PCDHGA5: variants seen among roughly 807,000 people sequenced by gnomAD.
PCDHGA5 encodes protocadherin gamma-A5.
PCDHGA5 carries 36 observed loss-of-function variants against 56.7 expected under a neutral mutation model. The observed-to-expected ratio is 0.64, with a 90% CI of 0.49 to 0.84. PCDHGA5 has a LOEUF of 0.84. Ranked by LOEUF, PCDHGA5 falls within the 40% of genes least tolerant of loss-of-function variation. PCDHGA5 has a pLI of 0.00. For synonymous variants in PCDHGA5, 563 were observed against 520.2 expected (o/e 1.08, Z -1.12); for missense variants, 1,305 against 1,201.5 (o/e 1.09, Z -1.27).
At chr5:141,433,332 T>C (rs1344429296) in intron 1 of PCDHGA5, 7 of 694,580 alleles carry the variant, frequency 1.0e-5, no homozygotes, top group Non-Finnish European at 1.7e-5. Context: ...TAACAGGGAC[T>C]ACAGGTGCAA....
At position 141,487,892 on chromosome 5, in the gene PCDHGA5, T is replaced by C; in HGVS notation, c.2422-6915T>C. The C allele has an allele frequency of 2.7e-6, 2 of 731,410 alleles. No individual in the cohort carries two copies. The highest frequency in any genetic ancestry group is 4.4e-6 in the Non-Finnish European group (2 of 450,094). 45.3% of individuals were successfully genotyped at this position (731,410 alleles called of 1,614,324 possible). On this transcript the variant is annotated intron_variant, in intron 1 of 3. Coordinates refer to ENST00000518069, the MANE Select transcript of PCDHGA5 (RefSeq NM_018918.3). This position sits in a 1 kb window ranked among gnomAD's most constrained non-coding sequence, Gnocchi z 5.0. ...GAGCCAGGCTGTTGTGGAAGCATGA[T>C]GATGGAATGTGGGAGCACAGGAGGC...
chr5:141,426,590 C>T (rs2096945493), intron 1 of PCDHGA5: 1 of 369,282 alleles, frequency 2.7e-6, no homozygotes, highest in East Asian at 7.4e-5. Context: ...TCCTCTGTGT[C>T]ATACCCTTAG....
intron 1 of PCDHGA5, among the ~76,000 whole-genome samples, chr5:141,438,036 C>T (rs1299733977): frequency 4.6e-5 from 7 of 152,026 alleles, no homozygotes; most frequent in South Asian, 2.1e-4. Flanking sequence ...CCACCATGCC[C>T]GACCACTTTG....
chr5:141,406,159 A>G (rs1237857279), intron 1 of PCDHGA5, among the ~76,000 whole-genome samples: 3 of 151,234 alleles, frequency 2.0e-5, no homozygotes, highest in Non-Finnish European at 2.9e-5. Context: ...TGCAGTCTCA[A>G]TCTCCTGGGC....
chr5:141,409,159 G>C, intron 1 of PCDHGA5: 1 of 1,614,014 alleles, frequency 6.2e-7, no homozygotes, highest in East Asian at 2.2e-5. Flanking sequence ...CCATGGAAGT[G>C]GAAGCGAAGG....
intron 1 of PCDHGA5, chr5:141,404,978 G>C: frequency 6.2e-7 from 1 of 1,613,976 alleles, no homozygotes; most frequent in Non-Finnish European, 8.5e-7. Context: ...GGCTGACCTG[G>C]GCAGTCTTCA....
intron 1 of PCDHGA5, chr5:141,379,090 T>C (rs1029371266): frequency 6.6e-6 from 1 of 152,210 alleles, no homozygotes; most frequent in Non-Finnish European, 1.5e-5. Context: ...GTTATGAATG[T>C]GTAAGAAAAA....
At chr5:141,408,280 C>T in intron 1 of PCDHGA5, 1 of 1,612,648 alleles carries the variant, frequency 6.2e-7, no homozygotes, top group Non-Finnish European at 8.5e-7. Flanking sequence ...CTTTGTTCTA[C>T]CCCACCCTGA....
chr5:141,379,766 C>G (rs1325223169), intron 1 of PCDHGA5: 1 of 151,638 alleles, frequency 6.6e-6, no homozygotes, highest in Admixed American at 6.6e-5. Context: ...ACCTGCAATA[C>G]AGATCATTAA....
chr5:141,477,932 C>G lies in PCDHGA5; in HGVS notation c.2422-16875C>G, dbSNP rs1193822505. The G allele has an allele frequency of 3.1e-6, 5 of 1,614,040 alleles. No individual in the cohort carries two copies. The highest frequency in any genetic ancestry group is 4.2e-6 in the Non-Finnish European group (5 of 1,180,042). On this transcript the variant is annotated intron_variant, in intron 1 of 3. Transcript: ENST00000518069. This position sits in a 1 kb window ranked among gnomAD's most constrained non-coding sequence, Gnocchi z 4.9. ...CGCGGATGCAGGGCACAATGCCTGG[C>G]TCTCCTACAGTCTCTTGGGATCCCC... is the stretch of plus-strand genomic sequence containing the variant.
intron 1 of PCDHGA5, chr5:141,385,051 C>T (rs1222079447): frequency 2.5e-6 from 4 of 1,614,036 alleles, no homozygotes; most frequent in Admixed American, 1.7e-5. Flanking sequence ...CAGGCTGCGG[C>T]GCTGGCACAA....
Position 141,487,291 on chromosome 5 carries a change from C to T in PCDHGA5, c.2422-7516C>T, listed in dbSNP as rs748961925. The stretch of plus-strand genomic sequence containing the variant: ...TGGCAATTTGCTTTGTCTCCTTTGG[C>T]TCATTCGTGGCACTACTCTCTAAGT... On this transcript the variant is annotated intron_variant, in intron 1 of 3. Transcript: ENST00000518069. This position sits in a 1 kb window ranked among gnomAD's most constrained non-coding sequence, Gnocchi z 5.0. The T allele has an allele frequency of 1.9e-5, 30 of 1,614,036 alleles. No homozygotes were observed. Among genetic ancestry groups the T allele is most frequent in the Non-Finnish European group, 2.5e-5 (30 of 1,180,020 alleles).
Position 141,365,694 on chromosome 5 carries a change from C to A in PCDHGA5, c.1364C>A (p.Ala455Asp), listed in dbSNP as rs757316678. The A allele has an allele frequency of 5.0e-6, 8 of 1,613,466 alleles. No homozygotes were observed. The highest frequency in any genetic ancestry group is 1.1e-5 in the South Asian group (1 of 91,068). Residue 455 changes from alanine (A) to aspartate (D), a missense_variant, in exon 1 of 4, where the codon GCC (alanine) becomes GAC (aspartate). Physicochemically the swap from Ala to Asp is moderately radical, Grantham distance 126. Transcript: ENST00000518069. ...VNDNPPNFPQ[A>D]SYSTSVTENN... ...GACAACCCACCCAATTTCCCTCAAG[C>A]CTCCTACTCCACCTCTGTCACAGAA...
chr5:141,454,693 A>G (rs951819293), intron 1 of PCDHGA5, among the ~76,000 whole-genome samples: 1 of 151,738 alleles, frequency 6.6e-6, no homozygotes, highest in Non-Finnish European at 1.5e-5. Context: ...GGCATGAGCC[A>G]CCATGCTCCA....
chr5:141,474,721 A>T (rs942537231), intron 1 of PCDHGA5, among the ~76,000 whole-genome samples: 10 of 152,214 alleles, frequency 6.6e-5, no homozygotes, highest in African/African-American at 1.7e-4. Flanking sequence ...CTTCAAAAGG[A>T]CTCTATGCAA....
chr5:141,466,686 T>G (rs112499949), intron 1 of PCDHGA5, among the ~76,000 whole-genome samples: 2 of 152,352 alleles, frequency 1.3e-5, no homozygotes, highest in African/African-American at 4.8e-5. Flanking sequence ...CCACTCAAGC[T>G]TCATCATAAA....
In PCDHGA5 at chr5:141,374,100, G is replaced by A. The variant is rs767728339; in HGVS notation, c.2421+7349G>A. ...AAGCCAGTAATGGCGCCTCCGCAGA[G>A]GCATCCGCAGCGCAGCGAGCAGGTC... On this transcript the variant is annotated intron_variant, in intron 1 of 3. Coordinates refer to ENST00000518069, the MANE Select transcript of PCDHGA5 (RefSeq NM_018918.3). 5.1e-6 allele frequency: 8 copies of A among 1,564,992 alleles called. No individual in the cohort carries two copies. The highest frequency in any genetic ancestry group is 6.1e-6 in the Non-Finnish European group (7 of 1,153,928).
intron 1 of PCDHGA5, among the ~76,000 whole-genome samples, chr5:141,472,677 C>T (rs1275941416): frequency 6.6e-6 from 1 of 151,658 alleles, no homozygotes; most frequent in Non-Finnish European, 1.5e-5. Context: ...ACTGGTCCTT[C>T]CATTTCCCCT....
Position 141,423,286 on chromosome 5 carries a change from ACCT to A in PCDHGA5, c.2421+56537_2421+56539del, listed in dbSNP as rs554024395. 8.7e-3 allele frequency: 13,966 copies of A among 1,613,746 alleles called. 98 individuals are homozygous for A. The highest frequency in any genetic ancestry group is 0.011 in the Middle Eastern group (68 of 6,062). ...CCTCGAGTCTCTGGCTAACTCTGAAACCTCAGACCTCTCGCTGTACTTGGTGGT... is the reference window on the plus strand; with the variant it reads ...CCTCGAGTCTCTGGCTAACTCTGAAACAGACCTCTCGCTGTACTTGGTGGT... On this transcript the variant is annotated intron_variant, in intron 1 of 3. Transcript: ENST00000518069.
Sources: gnomAD v4.1 joint callset for allele counts (sites outside exome capture counted in the v4.1 genomes callset) on GRCh38, gnomAD v4.1.1 for gene constraint, Gnocchi (gnomAD v3.1) non-coding constraint, MANE v1.5 for transcripts, NCBI Gene and HGNC (gene_info 2026-07-23, HGNC 2026-07-21) for gene names.